WNK2: variants seen among roughly 807,000 people sequenced by gnomAD.
WNK2 encodes WNK lysine deficient protein kinase 2.
Under a neutral mutation model 192.1 loss-of-function variants are expected in WNK2, and 67 were observed. That is an observed-to-expected ratio of 0.35 (90% CI 0.29 to 0.43). The LOEUF is 0.43. Among genes scored for constraint, WNK2 ranks in the 20% least tolerant of loss-of-function variants. The probability of loss-of-function intolerance (pLI) is 1.00; values close to 1 mark genes in which losing one functional copy is unlikely to be tolerated. For synonymous variants in WNK2, 1,439 were observed against 1,393.9 expected, an observed-to-expected ratio of 1.03 and a Z score of -0.72; for missense variants, 2,698 against 3,089.7, an observed-to-expected ratio of 0.87 and a Z score of 3.01.
chr9:93,276,728 TAAAATGAGCATAA>T (rs1025210532), intron 19 of WNK2, among the ~76,000 whole-genome samples: 2 of 152,060 alleles, frequency 1.3e-5, no homozygotes, highest in Non-Finnish European at 2.9e-5. Context: ...AACTCAACAG[TAAAATGAGCATAA>T]AAAATGAGCA....
chr9:93,301,736 G>T (rs976367832), intron 26 of WNK2, among the ~76,000 whole-genome samples: 5 of 152,224 alleles, frequency 3.3e-5, no homozygotes, highest in Non-Finnish European at 5.9e-5. Context: ...GTCACTGGGG[G>T]CGAGGGCACC....
chr9:93,256,647 G>A (rs1243641496), intron 10 of WNK2, 193 bp downstream of exon 10: 2 of 700,960 alleles, frequency 2.9e-6, no homozygotes, highest in Non-Finnish European at 4.6e-6. Context: ...GTACGTGTGT[G>A]TGTGTGTTTG....
Position 93,297,870 on chromosome 9 carries a change from C to T in WNK2, c.5726C>T (p.Ser1909Leu), listed in dbSNP as rs1403487467. 10 of 1,585,140 alleles carry T rather than the reference C, an allele frequency of 6.3e-6. No individual in the cohort carries two copies. The highest frequency in any genetic ancestry group is 1.7e-4 in the Middle Eastern group (1 of 6,032). The change falls in exon 24 of 30, where the codon TCG (serine) becomes TTG (leucine). Residue 1909 changes from serine (S) to leucine (L), a missense_variant. Physicochemically the swap from Ser to Leu is moderately radical, Grantham distance 145. Coordinates refer to ENST00000427277, the MANE Select transcript of WNK2 (RefSeq NM_006648.4). Reference protein sequence around the residue: ...SLREKHLKEISELQSQQKQEI... With the variant: ...SLREKHLKEILELQSQQKQEI... ...TCCTGCAGGCACCTGAAGGAGATCT[C>T]GGAGCTGCAGAGCCAGCAGAAGCAG...
At position 93,221,349 on chromosome 9, in the gene WNK2, G is replaced by A. The variant is rs566922997; in HGVS notation, c.682-8347G>A. Among the ~76,000 whole-genome samples, 450 of 152,338 alleles carry A rather than the reference G, an allele frequency of 3.0e-3. 2 individuals are homozygous for A. The highest frequency in any genetic ancestry group is 4.1e-3 in the Admixed American group (62 of 15,308). Reference sequence around the variant, plus strand: ...GGCATGGCTGCCAGCTTGTCCCGGGGAAGGACAGCTGAAGTTTTGTACGTG... The same window carrying A: ...GGCATGGCTGCCAGCTTGTCCCGGGAAAGGACAGCTGAAGTTTTGTACGTG... On this transcript the variant is annotated intron_variant, in intron 2 of 29. Transcript: ENST00000427277.
Position 93,299,201 on chromosome 9 carries a change from T to G in WNK2, c.6055T>G (p.Ser2019Ala), listed in dbSNP as rs1851154690. Reference protein sequence around the residue: ...QTQQPCSVRASLSSDICSGLA... With the variant: ...QTQQPCSVRAALSSDICSGLA... The stretch of plus-strand genomic sequence containing the variant: ...CCAGCAGCCCTGCTCCGTCCGGGCC[T>G]CCCTGTCTTCGGACATCTGCTCCGG... Residue 2019 changes from serine (S) to alanine (A), a missense_variant, in exon 25 of 30, where the codon TCC (serine) becomes GCC (alanine). Transcript: ENST00000427277. 3 of 1,598,994 alleles carry G rather than the reference T, an allele frequency of 1.9e-6. No individual in the cohort carries two copies. Among genetic ancestry groups the G allele is most frequent in the Non-Finnish European group, 2.6e-6 (3 of 1,169,644 alleles).
At chr9:93,204,339 G>C (rs1053640526) in intron 2 of WNK2, among the ~76,000 whole-genome samples, 1 of 152,210 alleles carries the variant, frequency 6.6e-6, no homozygotes, top group African/African-American at 2.4e-5. Context: ...TCTGTCAGCC[G>C]CATGGAATGG....
At chr9:93,253,549 G>A (rs576664596) in intron 9 of WNK2, among the ~76,000 whole-genome samples, 3 of 152,228 alleles carry the variant, frequency 2.0e-5, no homozygotes, top group Admixed American at 6.5e-5. Context: ...TCATTTGTAC[G>A]AAGGAAACCT....
intron 2 of WNK2, among the ~76,000 whole-genome samples, chr9:93,210,771 C>T (rs1156833097): frequency 6.6e-6 from 1 of 152,176 alleles, no homozygotes; most frequent in Admixed American, 6.5e-5. Flanking sequence ...CCATCATGGT[C>T]ATTTGTTCTC....
intron 12 of WNK2, among the ~76,000 whole-genome samples, chr9:93,261,521 G>A (rs557124201): frequency 2.0e-4 from 30 of 152,326 alleles, no homozygotes; most frequent in African/African-American, 6.7e-4. Flanking sequence ...TGTGTGTCCT[G>A]TTCTCTGACC....
chr9:93,212,972 A>G (rs1835063937), intron 2 of WNK2, among the ~76,000 whole-genome samples: 1 of 152,194 alleles, frequency 6.6e-6, no homozygotes, highest in Non-Finnish European at 1.5e-5. Context: ...GAGGTGGAGA[A>G]GTCCCCGTGG....
chr9:93,253,004 C>T lies in WNK2; in HGVS notation c.1956C>T (p.Cys652=), dbSNP rs1243729662. 6.4e-7 allele frequency: 1 copy of T among 1,560,716 alleles called. No individual in the cohort carries two copies. The highest frequency in any genetic ancestry group is 1.4e-5 in the African/African-American group (1 of 73,460). ...CGCCGTCCCCGGCCCAGTGTGTGTG[C>T]AGCCCCCCTGTGAGCGAGGGGCCCG... ...DAAPSPAQCV[C]SPPVSEGPVL... Residue 652 remains cysteine (C), a synonymous_variant, in exon 9 of 30, where the codon TGC becomes TGT. Transcript: ENST00000427277.
At chr9:93,290,186 A>G in intron 21 of WNK2, 139 bp downstream of exon 21, 1 of 716,816 alleles carries the variant, frequency 1.4e-6, no homozygotes, top group Non-Finnish European at 2.3e-6. Flanking sequence ...TCTGTAAGGG[A>G]TCCTTTAGCA....
chr9:93,225,853 A>G (rs1297201318), intron 2 of WNK2, among the ~76,000 whole-genome samples: 1 of 152,018 alleles, frequency 6.6e-6, no homozygotes, highest in African/African-American at 2.4e-5. Flanking sequence ...TCTCCTCTCC[A>G]GCTTCCTTCA....
At position 93,292,843 on chromosome 9, in the gene WNK2, C is replaced by T. The variant is rs1047516639; in HGVS notation, c.5378C>T (p.Thr1793Met). The T allele has an allele frequency of 1.0e-5, 15 of 1,497,544 alleles. No individual in the cohort carries two copies. The highest frequency in any genetic ancestry group is 4.2e-5 in the African/African-American group (3 of 71,616). The allele number at this position is 1,497,544 out of a possible 1,614,324, so 92.8% of individuals were successfully genotyped here. ...DVKLAVRRAQ[T>M]ASSIEVGVGE... Reference sequence around the variant, plus strand: ...AAGCTGGCAGTGCGGCGGGCGCAGACGGCCTCCTCCATCGAGGTCGGCGTG... The same window carrying T: ...AAGCTGGCAGTGCGGCGGGCGCAGATGGCCTCCTCCATCGAGGTCGGCGTG... Residue 1793 changes from threonine to methionine, a missense_variant, in exon 23 of 30, where the codon ACG becomes ATG. Coordinates refer to ENST00000427277, the MANE Select transcript of WNK2 (RefSeq NM_006648.4).
At chr9:93,198,876 C>G (rs1208828222) in intron 2 of WNK2, among the ~76,000 whole-genome samples, 1 of 152,178 alleles carries the variant, frequency 6.6e-6, no homozygotes, top group Admixed American at 6.5e-5. Context: ...GCCTTGCTGC[C>G]CAAGACCTGC....
Position 93,234,750 on chromosome 9 carries a change from C to T in WNK2, c.1076-58C>T, listed in dbSNP as rs577730297. The stretch of plus-strand genomic sequence containing the variant: ...AGCCAAAGCTCCCGGGACACTGGCT[C>T]CAGCTCTTCCTGGGCCCGTGGCCAG... On this transcript the variant is annotated intron_variant, in intron 4 of 29. Coordinates refer to ENST00000427277, the MANE Select transcript of WNK2 (RefSeq NM_006648.4). 1.2e-3 allele frequency: 1,883 copies of T among 1,569,422 alleles called. 5 individuals are homozygous for T. Among genetic ancestry groups the T allele is most frequent in the Non-Finnish European group, 1.4e-3 (1,656 of 1,154,912 alleles).
chr9:93,307,126 C>T (rs868662837), intron 27 of WNK2: 17 of 467,086 alleles, frequency 3.6e-5, no homozygotes, highest in Middle Eastern at 5.9e-4. Flanking sequence ...TTTCCAAAAC[C>T]GTAGGAATGA....
At position 93,263,555 on chromosome 9, in the gene WNK2, G is replaced by A. The variant is rs548546298; in HGVS notation, c.3411-11G>A. On this transcript the variant is annotated splice_polypyrimidine_tract_variant and intron_variant, in intron 14 of 29. Coordinates refer to ENST00000427277, the MANE Select transcript of WNK2 (RefSeq NM_006648.4). The stretch of plus-strand genomic sequence containing the variant: ...CCTTTGGTGCCATTAATGTTCTTGG[G>A]TTTTGCTCAGCTATGGAGGTTCTGA... The A allele has an allele frequency of 6.2e-7, 1 of 1,610,868 alleles. No individual in the cohort carries two copies. Among genetic ancestry groups the A allele is most frequent in the Non-Finnish European group, 8.5e-7 (1 of 1,179,130 alleles).
At chr9:93,206,227 C>T (rs10992677) in intron 2 of WNK2, among the ~76,000 whole-genome samples, 100,346 of 151,982 alleles carry the variant, frequency 0.66, 33,609 homozygotes, top group East Asian at 0.83. Context: ...CATGTAGGGC[C>T]CCATTTCTTT....
Sources: gnomAD v4.1 joint callset for allele counts (sites outside exome capture counted in the v4.1 genomes callset) on GRCh38, gnomAD v4.1.1 for gene constraint, MANE v1.5 for transcripts, NCBI Gene and HGNC (gene_info 2026-07-23, HGNC 2026-07-21) for gene names.